The following LRCH3 variants were observed in gnomAD, a reference collection of about 807,000 sequenced individuals.
The protein encoded by LRCH3 is leucine rich repeats and calponin homology domain containing 3.
In LRCH3, 68 loss-of-function variants were observed where a neutral mutation model predicts 104.5. The ratio of observed to expected loss-of-function variants is 0.65; its 90% CI spans 0.54 to 0.80. The LOEUF is 0.80. LRCH3 is among the 30% of genes least tolerant of loss of function. The probability of loss-of-function intolerance (pLI) is 0.00; values close to 1 mark genes in which losing one functional copy is unlikely to be tolerated. For missense variants in LRCH3, 951 were observed against 953.9 expected, an observed-to-expected ratio of 1.00 and a Z score of 0.04; for synonymous variants, 344 against 361.3, an observed-to-expected ratio of 0.95 and a Z score of 0.54.
chr3:197,853,551 G>T (rs1416531438), intron 13 of LRCH3, among the ~76,000 whole-genome samples: 1 of 152,168 alleles, frequency 6.6e-6, no homozygotes, highest in African/African-American at 2.4e-5. Flanking sequence ...GTTGTTTCAT[G>T]TGAATTTTGA....
intron 7 of LRCH3, 188 bp downstream of exon 7, chr3:197,831,051 G>A (rs775295700): frequency 3.5e-4 from 175 of 497,354 alleles, no homozygotes; most frequent in Non-Finnish European, 3.5e-4. Flanking sequence ...TTTCTGTCAC[G>A]TGGATTTCCG....
chr3:197,878,151 G>A (rs2109557992), intron 20 of LRCH3, among the ~76,000 whole-genome samples: 1 of 152,282 alleles, frequency 6.6e-6, no homozygotes, highest in African/African-American at 2.4e-5. Context: ...AAAATAGACA[G>A]GAGAGTGCTG....
At chr3:197,841,296 G>C (rs902757000) in intron 10 of LRCH3, among the ~76,000 whole-genome samples, 1 of 152,068 alleles carries the variant, frequency 6.6e-6, no homozygotes, top group Admixed American at 6.5e-5. Flanking sequence ...TATTTTCCTG[G>C]CTGCCAGCTG....
intron 10 of LRCH3, among the ~76,000 whole-genome samples, chr3:197,843,759 A>T (rs1359311050): frequency 6.6e-6 from 1 of 152,078 alleles, no homozygotes; most frequent in African/African-American, 2.4e-5. Context: ...TTTAAAGGAG[A>T]TACATACATG....
chr3:197,852,412 C>A, intron 12 of LRCH3, 149 bp from the exon 13 acceptor site: 1 of 719,848 alleles, frequency 1.4e-6, no homozygotes, highest in Non-Finnish European at 2.4e-6. Flanking sequence ...TCTAGCTAAA[C>A]ATTTTCTAAC....
intron 12 of LRCH3, chr3:197,850,470 T>G: frequency 1.3e-6 from 2 of 1,589,304 alleles, no homozygotes; most frequent in Non-Finnish European, 1.7e-6. Context: ...GGCAACCTCC[T>G]CTTCTGGTTT....
chr3:197,845,116 T>C (rs1482457617), intron 10 of LRCH3, among the ~76,000 whole-genome samples: 1 of 151,874 alleles, frequency 6.6e-6, no homozygotes, highest in African/African-American at 2.4e-5. Flanking sequence ...TTTAGAGAAG[T>C]ATTGTAAAAA....
chr3:197,848,262 C>T (rs1438066289), intron 12 of LRCH3: 1 of 416,844 alleles, frequency 2.4e-6, no homozygotes, highest in African/African-American at 2.0e-5. Context: ...GCTGCCATTT[C>T]CTCAATTTCT....
chr3:197,853,211 A>G (rs1739856194), intron 13 of LRCH3, among the ~76,000 whole-genome samples: 1 of 151,142 alleles, frequency 6.6e-6, no homozygotes, highest in African/African-American at 2.4e-5. Flanking sequence ...TTTTTTTGAG[A>G]CAGAGTCTCA....
At position 197,856,213 on chromosome 3, in the gene LRCH3, G is replaced by A. The variant is rs141909943; in HGVS notation, c.1644+1768G>A. On this transcript the variant is annotated intron_variant, in intron 14 of 20. Coordinates refer to ENST00000425562, the MANE Select transcript of LRCH3 (RefSeq NM_001365715.1). This position sits in a 1 kb window ranked among gnomAD's most constrained non-coding sequence, Gnocchi z 4.2. ...TGTTCCATCTTTAACATGACTTTTC[G>A]GCAGCCCACCACCCTTAAATCAGCC... Among the ~76,000 whole-genome samples, 43 of 151,836 alleles carry A rather than the reference G, an allele frequency of 2.8e-4. No individual in the cohort carries two copies. The East Asian group carries it at 4.8e-3, about 17-fold the overall frequency.
At chr3:197,849,069 G>A (rs1337154178) in intron 12 of LRCH3, among the ~76,000 whole-genome samples, 1 of 152,072 alleles carries the variant, frequency 6.6e-6, no homozygotes, top group African/African-American at 2.4e-5. Flanking sequence ...TTTGAGACCA[G>A]CCTGGCCAAC....
rs577350131 is a variant in LRCH3, at chr3:197,820,758, G to A, written c.640+328G>A. 9.9e-5 allele frequency among the ~76,000 whole-genome samples: 15 copies of A among 152,282 alleles called. No individual in the cohort carries two copies. The East Asian group carries it at 2.7e-3, about 27-fold the overall frequency. On this transcript the variant is annotated intron_variant, in intron 4 of 20. Transcript: ENST00000425562. ...CAGGAGGCCAAGGCTGCAGTGAGCT[G>A]TGGTGGGGTCACTGCACTCTAGCCT...
intron 4 of LRCH3, among the ~76,000 whole-genome samples, chr3:197,825,307 C>T (rs1236085442): frequency 6.7e-6 from 1 of 149,122 alleles, no homozygotes; most frequent in African/African-American, 2.5e-5. Flanking sequence ...ACTTGGTGGG[C>T]CCCTTTCCAA....
Position 197,791,442 on chromosome 3 carries a change from A to C in LRCH3, c.164A>C (p.Glu55Ala). 4 of 1,596,954 alleles carry C rather than the reference A, an allele frequency of 2.5e-6. No homozygotes were observed. The highest frequency in any genetic ancestry group is 1.1e-5 in the South Asian group (1 of 88,606). ...CGCTCTCTCGATCGAGCCCTGGAGGAGGCGGCGGTCACTGGGGTGCTGAGC... is the reference window on the plus strand; with the variant it reads ...CGCTCTCTCGATCGAGCCCTGGAGGCGGCGGCGGTCACTGGGGTGCTGAGC... Reference protein sequence around the residue: ...WSRSLDRALEEAAVTGVLSLS... With the variant: ...WSRSLDRALEAAAVTGVLSLS... Residue 55 changes from glutamate (E) to alanine (A), a missense_variant, in exon 1 of 21, where the codon GAG (glutamate) becomes GCG (alanine). Physicochemically the swap from Glu to Ala is moderately radical, Grantham distance 107. Coordinates refer to ENST00000425562, the MANE Select transcript of LRCH3 (RefSeq NM_001365715.1).
intron 1 of LRCH3, among the ~76,000 whole-genome samples, chr3:197,792,604 T>TATATATATAA (rs1553912025): frequency 3.4e-5 from 2 of 58,522 alleles, no homozygotes; most frequent in Admixed American, 2.3e-4. Flanking sequence ...TATATATATA[T>TATATATATAA]AAAATATACA....
Position 197,847,479 on chromosome 3 carries a change from G to A in LRCH3, c.1380+19G>A. 6.4e-7 allele frequency: 1 copy of A among 1,557,282 alleles called. No homozygotes were observed. The highest frequency in any genetic ancestry group is 8.6e-7 in the Non-Finnish European group (1 of 1,159,340). Reference sequence around the variant, plus strand: ...CAATCAGGTAATGTTTAGTAGTTGTGTTTATTTTTGCTTTTTAAACTAAGA... The same window carrying A: ...CAATCAGGTAATGTTTAGTAGTTGTATTTATTTTTGCTTTTTAAACTAAGA... On this transcript the variant is annotated intron_variant, in intron 11 of 20. Transcript: ENST00000425562.
chr3:197,859,654 T>A (rs1333173604), intron 15 of LRCH3, among the ~76,000 whole-genome samples: 4 of 152,246 alleles, frequency 2.6e-5, no homozygotes, highest in African/African-American at 9.6e-5. Context: ...AAATGATCAA[T>A]AATTCTCACT....
Position 197,852,629 on chromosome 3 carries a change from A to T in LRCH3, c.1590+9A>T. 6.2e-7 allele frequency: 1 copy of T among 1,613,066 alleles called. No homozygotes were observed. Among genetic ancestry groups the T allele is most frequent in the South Asian group, 1.1e-5 (1 of 91,016 alleles). On this transcript the variant is annotated intron_variant, in intron 13 of 20. Coordinates refer to ENST00000425562, the MANE Select transcript of LRCH3 (RefSeq NM_001365715.1). Reference sequence around the variant, plus strand: ...ATGGCGTAGATGGTGAGGTAAGTTGATGTAATCTCCTTTTCTTTGGAGTTG... The same window carrying T: ...ATGGCGTAGATGGTGAGGTAAGTTGTTGTAATCTCCTTTTCTTTGGAGTTG...
In LRCH3 at chr3:197,847,908, G is replaced by C. The variant is rs781745489; in HGVS notation, c.1417G>C (p.Glu473Gln). ...AGACCTGGAACTTCATCAGAGAAGG[G>C]AGCAGTTAGTAGAGCGCACTCGGAG... The part of the protein sequence containing the change: ...HTDLELHQRR[E>Q]QLVERTRREA... Residue 473 changes from glutamate (E) to glutamine (Q), a missense_variant, in exon 12 of 21, where the codon GAG becomes CAG. Physicochemically the swap from Glu to Gln is conservative, Grantham distance 29. Transcript: ENST00000425562. The C allele has an allele frequency of 2.5e-5, 40 of 1,614,068 alleles. 1 individual carries two copies. In the South Asian group the frequency reaches 4.1e-4, roughly 16 times the overall value.
Sources: allele counts gnomAD v4.1 joint callset (sites outside exome capture counted in the v4.1 genomes callset), GRCh38; gene constraint gnomAD v4.1.1; non-coding constraint Gnocchi (gnomAD v3.1); transcripts MANE v1.5; gene names NCBI Gene and HGNC (gene_info 2026-07-23, HGNC 2026-07-21).